Variants in BOP1 observed in about 807,000 individuals in gnomAD.
The protein encoded by BOP1 is BOP1 ribosomal biogenesis factor, also known as ribosome biogenesis protein BOP1.
BOP1 carries 54 observed loss-of-function variants against 82.9 expected under a neutral mutation model. The ratio of observed to expected loss-of-function variants is 0.65; its 90% confidence interval spans 0.52 to 0.82. BOP1 has a LOEUF of 0.82. Among genes scored for constraint, BOP1 ranks in the 40% least tolerant of loss-of-function variants. The pLI, the probability that BOP1 is intolerant of heterozygous loss-of-function variation, is 0.00. For synonymous variants in BOP1, 566 were observed against 451.1 expected (o/e 1.25, Z -3.23); for missense variants, 1,170 against 1,072.0 (o/e 1.09, Z -1.28).
rs1376741082 is a variant in BOP1, at chr8:144,263,872, G to A, written c.1180C>T (p.Arg394Trp). Residue 394 changes from arginine (R) to tryptophan (W), a missense_variant, in exon 9 of 16, where the codon CGG (arginine) becomes TGG (tryptophan). Arg to Trp is a moderately radical substitution (Grantham distance 101). Coordinates refer to ENST00000569669, the MANE Select transcript of BOP1 (RefSeq NM_015201.5). ...DPEDLIPKLP[R>W]PRDLQPFPTC... is the part of the protein sequence containing the mutation. ...GGGAAGGGCTGCAGGTCCCTCGGCC[G>A]AGGCAGCTTGGGGATGAGGTCCTCA... 32 of 1,611,614 alleles carry A rather than the reference G, an allele frequency of 2.0e-5. No individual in the cohort carries two copies. Among genetic ancestry groups the A allele is most frequent in the East Asian group, 6.7e-5 (3 of 44,876 alleles).
At chr8:144,274,868 A>G (rs1438472305) in intron 3 of BOP1, among the ~76,000 whole-genome samples, 1 of 152,180 alleles carries the variant, frequency 6.6e-6, no homozygotes, top group African/African-American at 2.4e-5. Context: ...TACCAAATAT[A>G]AAAAAGTAGC....
chr8:144,263,674 C>T lies in BOP1; in HGVS notation c.1291+18G>A, dbSNP rs1845289563. ...CCACCTGCCCCCCAGCTCAAGGCTG[C>T]CCCCAGCTCGGACCCACCTGAAACC... On this transcript the variant is annotated intron_variant, in intron 10 of 15. Coordinates refer to ENST00000569669, the MANE Select transcript of BOP1 (RefSeq NM_015201.5). 14 of 1,586,482 alleles carry T rather than the reference C, an allele frequency of 8.8e-6. No homozygotes were observed. In the Admixed American group the frequency reaches 2.5e-4, roughly 28 times the overall value.
chr8:144,281,819 AT>A (rs1214960649), intron 2 of BOP1: 2 of 151,090 alleles, frequency 1.3e-5, no homozygotes, highest in African/African-American at 5.0e-5. Flanking sequence ...TCCTCAAGTG[AT>A]CCGCCCACCT....
intron 3 of BOP1, chr8:144,266,991 C>G: frequency 1.3e-6 from 2 of 1,548,420 alleles, no homozygotes; most frequent in Non-Finnish European, 1.7e-6. Flanking sequence ...ACATCTCGCA[C>G]CTGGGCAACG....
chr8:144,270,889 G>A (rs922244529), intron 3 of BOP1, among the ~76,000 whole-genome samples: 22 of 152,180 alleles, frequency 1.4e-4, no homozygotes, highest in Non-Finnish European at 2.8e-4. Flanking sequence ...CCTGCGAGCC[G>A]AGCTGGGCTG....
At chr8:144,275,473 G>A (rs1294144483) in intron 3 of BOP1, among the ~76,000 whole-genome samples, 37 of 55,340 alleles carry the variant, frequency 6.7e-4, no homozygotes, top group African/African-American at 2.4e-3. Flanking sequence ...CACGCTGGCG[G>A]AGCCCAGCCC....
intron 3 of BOP1, chr8:144,266,423 C>A (rs1451868424): frequency 1.2e-4 from 97 of 832,506 alleles, no homozygotes; most frequent in Non-Finnish European, 1.3e-4. Context: ...CGGGACGCCG[C>A]TATAAAGGCG....
At chr8:144,266,768 C>T in intron 3 of BOP1, 2 of 1,073,822 alleles carry the variant, frequency 1.9e-6, no homozygotes, top group South Asian at 4.0e-5. Context: ...CTCCAGGGCG[C>T]CCGGCGGAGG....
chr8:144,263,012 G>C lies in BOP1; in HGVS notation c.1735C>G (p.His579Asp), dbSNP rs1554836680. 3 of 1,560,532 alleles carry C rather than the reference G, an allele frequency of 1.9e-6. No individual in the cohort carries two copies. In the South Asian group the frequency reaches 3.5e-5, roughly 18 times the overall value. ...RRSQSPFRRS[H>D]GQVQRVAFHP... Reference sequence around the variant, plus strand: ...AAGGCCACTCGCTGCACCTGTCCGTGGCTGCGGCGGAACGGACTCTGGCTG... The same window carrying C: ...AAGGCCACTCGCTGCACCTGTCCGTCGCTGCGGCGGAACGGACTCTGGCTG... Residue 579 changes from histidine (H) to aspartate (D), a missense_variant, in exon 13 of 16, where the codon CAC (histidine) becomes GAC (aspartate). Transcript: ENST00000569669.
In BOP1 at chr8:144,262,981, G is replaced by A; in HGVS notation, c.1766C>T (p.Pro589Leu). Reference sequence around the variant, plus strand: ...CGCCACCAACAGGAAGGGCCGGGCAGGGTGGAAGGCCACTCGCTGCACCTG... The same window carrying A: ...CGCCACCAACAGGAAGGGCCGGGCAAGGTGGAAGGCCACTCGCTGCACCTG... ...HGQVQRVAFH[P>L]ARPFLLVASQ... Residue 589 changes from proline (P) to leucine (L), a missense_variant, in exon 13 of 16, where the codon CCT (proline) becomes CTT (leucine). Coordinates refer to ENST00000569669, the MANE Select transcript of BOP1 (RefSeq NM_015201.5). 2.6e-6 allele frequency: 4 copies of A among 1,552,694 alleles called. No individual in the cohort carries two copies. Among genetic ancestry groups the A allele is most frequent in the Non-Finnish European group, 3.5e-6 (4 of 1,156,250 alleles).
rs1489415111 is a variant in BOP1, at chr8:144,263,303, G to C, written c.1523C>G (p.Pro508Arg). Reference protein sequence around the residue: ...LLSAFVPPEEPPLQPARWLEA... With the variant: ...LLSAFVPPEERPLQPARWLEA... ...CAGCCAGCGGGCCGGCTGCAAGGGG[G>C]GCTCCTCAGGCGGGACGAAGGCGCT... The change falls in exon 12 of 16, where the codon CCC becomes CGC. Residue 508 changes from proline (P) to arginine (R), a missense_variant. Transcript: ENST00000569669. 1.3e-6 allele frequency: 2 copies of C among 1,593,924 alleles called. No individual in the cohort carries two copies. Among genetic ancestry groups the C allele is most frequent in the Admixed American group, 1.7e-5 (1 of 59,670 alleles).
Position 144,264,062 on chromosome 8 carries a change from C to T in BOP1, c.1059G>A (p.Val353=). Reference sequence around the variant, plus strand: ...CCTGGATGAAGCGTCCGTAGGCAGGCACGGCCCGCAGGCTCGGGAACTTGC... The same window carrying T: ...CCTGGATGAAGCGTCCGTAGGCAGGTACGGCCCGCAGGCTCGGGAACTTGC... ...LPRKFPSLRA[V]PAYGRFIQER... The change falls in exon 8 of 16, where the codon GTG becomes GTA. Residue 353 remains valine (V), a synonymous_variant. Coordinates refer to ENST00000569669, the MANE Select transcript of BOP1 (RefSeq NM_015201.5). The T allele has an allele frequency of 6.2e-7, 1 of 1,610,132 alleles. No individual in the cohort carries two copies. Among genetic ancestry groups the T allele is most frequent in the Non-Finnish European group, 8.5e-7 (1 of 1,179,720 alleles).
chr8:144,291,313 G>T lies in BOP1; in HGVS notation c.58C>A (p.Arg20=). 6.9e-7 allele frequency: 1 copy of T among 1,440,808 alleles called. No homozygotes were observed. Among genetic ancestry groups the T allele is most frequent in the Non-Finnish European group, 9.1e-7 (1 of 1,096,256 alleles). The allele number at this position is 1,440,808 out of a possible 1,614,324, so 89.3% of individuals were successfully genotyped here. Residue 20 remains arginine (R), a synonymous_variant, in exon 1 of 16, where the codon CGG becomes AGG. Coordinates refer to ENST00000569669, the MANE Select transcript of BOP1 (RefSeq NM_015201.5). The surrounding 1 kb of genome is among the most constrained non-coding windows in gnomAD (Gnocchi z 4.1). The part of the protein sequence containing the change: ...TAAPSVRPEK[R]RSEPELEPEP... ...GGCTCCAGTTCGGGCTCAGACCGCC[G>T]CTTCTCCGGCCGCACGCTCGGCGCC... is the stretch of plus-strand genomic sequence containing the variant.
Position 144,262,198 on chromosome 8 carries a change from G to C in BOP1, c.2207C>G (p.Ser736Trp). 6.2e-7 allele frequency: 1 copy of C among 1,612,702 alleles called. No homozygotes were observed. The highest frequency in any genetic ancestry group is 8.5e-7 in the Non-Finnish European group (1 of 1,179,800). The change falls in exon 16 of 16, where the codon TCG (serine) becomes TGG (tryptophan). Residue 736 changes from serine (S) to tryptophan (W), a missense_variant. Transcript: ENST00000569669. ...GAGGCGGACAGTCCCGTCTGCCCCC[G>C]AGGAGAAGACCCACGGCTGGGTGGG... ...FHPTQPWVFSSGADGTVRLFT is the reference protein window; with the variant it reads ...FHPTQPWVFSWGADGTVRLFT
chr8:144,264,785 C>CATG lies in BOP1; in HGVS notation c.591_592insCAT (p.Thr197_Asp198insHis). The CATG allele has an allele frequency of 6.2e-7, 1 of 1,608,594 alleles. No homozygotes were observed. Among genetic ancestry groups the CATG allele is most frequent in the African/African-American group, 1.3e-5 (1 of 74,958 alleles). ...CGCCGCACCAGGGCCACCTGCTCATCCGTCAGTCTCAGGTCCCGCCCTGTC... is the reference window on the plus strand; with the variant it reads ...CGCCGCACCAGGGCCACCTGCTCATCATGCGTCAGTCTCAGGTCCCGCCCTGTC... On this transcript the variant is annotated inframe_insertion, in exon 5 of 16. Transcript: ENST00000569669.
intron 3 of BOP1, chr8:144,265,813 G>A (rs1212089194): frequency 2.6e-5 from 4 of 153,496 alleles, no homozygotes; most frequent in East Asian, 1.9e-4. Context: ...TCCCCAAATT[G>A]GATAATGGGG....
chr8:144,268,113 C>G, intron 3 of BOP1: 3 of 1,551,356 alleles, frequency 1.9e-6, no homozygotes, highest in South Asian at 1.2e-5. Context: ...GAGCAAGGAC[C>G]GCGACAGAAA....
intron 3 of BOP1, among the ~76,000 whole-genome samples, chr8:144,274,973 C>T (rs1845546726): frequency 6.6e-6 from 1 of 152,210 alleles, no homozygotes; most frequent in African/African-American, 2.4e-5. Flanking sequence ...CTGAGTGAGC[C>T]CGCTGCTCCG....
intron 9 of BOP1, 25 bp from the exon 10 acceptor site, chr8:144,263,786 G>C: frequency 1.2e-6 from 2 of 1,602,858 alleles, no homozygotes; most frequent in Non-Finnish European, 1.7e-6. Context: ...GCAGTGAGGA[G>C]TCAGACTGGG....
Sources: gnomAD v4.1 joint callset for allele counts (sites outside exome capture counted in the v4.1 genomes callset) on GRCh38, gnomAD v4.1.1 for gene constraint, Gnocchi (gnomAD v3.1) non-coding constraint, MANE v1.5 for transcripts, NCBI Gene and HGNC (gene_info 2026-07-23, HGNC 2026-07-21) for gene names.